Variants in RCAN3 observed in about 807,000 individuals in gnomAD.
The protein encoded by RCAN3 is calcipressin-3.
RCAN3 carries 19 observed loss-of-function variants against 21.9 expected under a neutral mutation model. The ratio of observed to expected loss-of-function variants is 0.87; its 90% CI spans 0.61 to 1.27. RCAN3 has a LOEUF of 1.27. Among genes scored for constraint, RCAN3 ranks in the 50% most tolerant of loss-of-function variants. RCAN3 has a pLI of 0.00. For missense variants in RCAN3, 240 were observed against 300.1 expected (o/e 0.80, Z 1.48); for synonymous variants, 114 against 112.3 (o/e 1.01, Z -0.09).
rs747351378 is a variant in RCAN3 at position 24,533,140 on chromosome 1, A to G, written c.427A>G (p.Lys143Glu). ...CTATCTCCTGCCGCCCCAGCCTGTCAAGCAGTTCCTCATCTCCCCTCCAGC... is the reference window on the plus strand; with the variant it reads ...CTATCTCCTGCCGCCCCAGCCTGTCGAGCAGTTCCTCATCTCCCCTCCAGC... ...KSYLLPPQPV[K>E]QFLISPPASP... The change falls in exon 4 of 5, where the codon AAG becomes GAG. Residue 143 changes from lysine to glutamate, a missense_variant. Physicochemically the swap from Lys to Glu is moderately conservative, Grantham distance 56. Transcript: ENST00000374395. 7 of 1,596,240 alleles carry G rather than the reference A, an allele frequency of 4.4e-6. No individual in the cohort carries two copies. Among genetic ancestry groups the G allele is most frequent in the African/African-American group, 1.4e-5 (1 of 73,868 alleles).
At chr1:24,533,337 G>A (rs1649954885) in intron 4 of RCAN3, 83 bp downstream of exon 4, 11 of 1,148,926 alleles carry the variant, frequency 9.6e-6, no homozygotes, top group Non-Finnish European at 1.3e-5. Context: ...CATTGTGGCA[G>A]TATGATTAGA....
chr1:24,519,289 C>T (rs780214897), intron 2 of RCAN3, among the ~76,000 whole-genome samples: 2 of 151,122 alleles, frequency 1.3e-5, no homozygotes, highest in Non-Finnish European at 2.9e-5. Context: ...TGGGCTCAAG[C>T]GATCCTCCTA....
chr1:24,514,250 T>G, intron 1 of RCAN3, 64 bp from the exon 2 acceptor site: 1 of 747,758 alleles, frequency 1.3e-6, no homozygotes, highest in Non-Finnish European at 2.0e-6. Context: ...CTGGAGACAT[T>G]GATTGATTGG....
intron 1 of RCAN3, among the ~76,000 whole-genome samples, chr1:24,503,415 T>C (rs936924613): frequency 4.6e-5 from 7 of 152,014 alleles, no homozygotes; most frequent in Admixed American, 4.6e-4. Context: ...TGTTTTGTCT[T>C]CTCCACCAAC....
At chr1:24,503,914 T>G (rs1006094389) in intron 1 of RCAN3, among the ~76,000 whole-genome samples, 6 of 152,280 alleles carry the variant, frequency 3.9e-5, no homozygotes, top group African/African-American at 1.2e-4. Context: ...TTGATTTATC[T>G]GTAGCTGTGA....
chr1:24,517,084 G>GTTTTTTTTTTTTTTTTTTTTTTTTTT (rs11372088), intron 2 of RCAN3, among the ~76,000 whole-genome samples: 1 of 146,864 alleles, frequency 6.8e-6, no homozygotes, highest in African/African-American at 2.5e-5. Flanking sequence ...CTATTTTTTT[G>GTTTTTTTTTTTTTTTTTTTTTTTTTT]TTTTTTTTTG....
chr1:24,526,159 G>GT (rs1372169048), intron 2 of RCAN3, among the ~76,000 whole-genome samples: 1 of 152,086 alleles, frequency 6.6e-6, no homozygotes, highest in Non-Finnish European at 1.5e-5. Flanking sequence ...TGGTGAGATT[G>GT]TGGCTCACTG....
At chr1:24,528,713 G>A (rs961865459) in intron 2 of RCAN3, among the ~76,000 whole-genome samples, 5 of 152,316 alleles carry the variant, frequency 3.3e-5, no homozygotes, top group Non-Finnish European at 5.9e-5. Flanking sequence ...GGTAGGAAGC[G>A]AAAGTGACCA....
chr1:24,517,406 C>T (rs1020001137), intron 2 of RCAN3, among the ~76,000 whole-genome samples: 2 of 152,116 alleles, frequency 1.3e-5, no homozygotes, highest in South Asian at 2.1e-4. Context: ...CGTGAGCCAC[C>T]GTATCCGGCC....
At position 24,514,552 on chromosome 1, in the gene RCAN3, G is replaced by A. The variant is rs1315909536; in HGVS notation, c.180G>A (p.Glu60=). Residue 60 remains glutamate, a synonymous_variant, in exon 2 of 5, where the codon GAG becomes GAA. Transcript: ENST00000374395. Reference sequence around the variant, plus strand: ...GCAGCGTCCATGAAGCAGTGTTTGAGGCACGAGAGCAGAAGGTAGGCATCT... The same window carrying A: ...GCAGCGTCCATGAAGCAGTGTTTGAAGCACGAGAGCAGAAGGTAGGCATCT... ...FACSVHEAVF[E]AREQKERFEA... 6.2e-7 allele frequency: 1 copy of A among 1,613,946 alleles called. No homozygotes were observed. Among genetic ancestry groups the A allele is most frequent in the South Asian group, 1.1e-5 (1 of 91,034 alleles).
chr1:24,529,799 C>T (rs1649600596), intron 2 of RCAN3, among the ~76,000 whole-genome samples: 1 of 151,296 alleles, frequency 6.6e-6, no homozygotes, highest in Non-Finnish European at 1.5e-5. Context: ...GATCCGCCTA[C>T]CTCAGCCTCC....
chr1:24,518,510 T>G (rs1231734329), intron 2 of RCAN3, among the ~76,000 whole-genome samples: 1 of 152,200 alleles, frequency 6.6e-6, no homozygotes, highest in African/African-American at 2.4e-5. Flanking sequence ...GGCTTAGTGC[T>G]TCATTTTTCT....
chr1:24,536,480 G>T lies in RCAN3; in HGVS notation c.*1203G>T, dbSNP rs1289743447. The T allele has an allele frequency of 6.6e-6, 1 of 152,164 alleles. No homozygotes were observed. The highest frequency in any genetic ancestry group is 2.4e-5 in the African/African-American group (1 of 41,422). 9.4% of individuals were successfully genotyped at this position (152,164 alleles called of 1,614,324 possible). On this transcript the variant is annotated 3_prime_UTR_variant, in exon 5 of 5. Transcript: ENST00000374395. ...TTTGAACTTCCCTAAGAAGCAGCAGGATCTTTTTAACTCTCTCTGGTCTGT... is the reference window on the plus strand; with the variant it reads ...TTTGAACTTCCCTAAGAAGCAGCAGTATCTTTTTAACTCTCTCTGGTCTGT...
Position 24,515,753 on chromosome 1 carries a change from T to C in RCAN3, c.195+1186T>C, listed in dbSNP as rs557764732. ...GGGGATAGAGTGTGAGTCATGCAGC[T>C]TCTGCCTCATGGTGTCCAGCCCTGC... On this transcript the variant is annotated intron_variant, in intron 2 of 4. Coordinates refer to ENST00000374395, the MANE Select transcript of RCAN3 (RefSeq NM_013441.4). 5.3e-5 allele frequency among the ~76,000 whole-genome samples: 8 copies of C among 152,258 alleles called. No homozygotes were observed. In the East Asian group the frequency reaches 1.5e-3, roughly 29 times the overall value.
rs1403836419 is a variant in RCAN3 at position 24,539,053 on chromosome 1, C to A, written c.*3776C>A. ...CAGAGGTGAAAGTGACCTTGGAAAT[C>A]ATATACTCTATCCCCATGTTACACA... On this transcript the variant is annotated 3_prime_UTR_variant, in exon 5 of 5. Transcript: ENST00000374395. The A allele has an allele frequency of 6.6e-6, 1 of 152,140 alleles. No individual in the cohort carries two copies. The highest frequency in any genetic ancestry group is 1.5e-5 in the Non-Finnish European group (1 of 68,028). The allele number at this position is 152,140 out of a possible 1,614,324, so 9.4% of individuals were successfully genotyped here.
rs941238993 is a variant in RCAN3, at chr1:24,539,252, G to C, written c.*3975G>C. The C allele has an allele frequency of 1.3e-5, 2 of 151,480 alleles. No homozygotes were observed. Among genetic ancestry groups the C allele is most frequent in the Non-Finnish European group, 2.9e-5 (2 of 67,924 alleles). The allele number at this position is 151,480 out of a possible 1,614,324, so 9.4% of individuals were successfully genotyped here. On this transcript the variant is annotated 3_prime_UTR_variant, in exon 5 of 5. Coordinates refer to ENST00000374395, the MANE Select transcript of RCAN3 (RefSeq NM_013441.4). Reference sequence around the variant, plus strand: ...TGGCATCAGAAAAAAAAAAAGGCATGAGGTGGGAGGATTCTTTTTTCCCTG... The same window carrying C: ...TGGCATCAGAAAAAAAAAAAGGCATCAGGTGGGAGGATTCTTTTTTCCCTG...
At chr1:24,530,692 T>C (rs1020337246) in intron 2 of RCAN3, among the ~76,000 whole-genome samples, 3 of 152,152 alleles carry the variant, frequency 2.0e-5, no homozygotes, top group Admixed American at 2.0e-4. Context: ...ATATGGACAA[T>C]ATTTAATAAA....
In RCAN3 at chr1:24,514,529, A is replaced by C; in HGVS notation, c.157A>C (p.Ser53Arg). ...TCTGCCTACCTCACTTTTTGCTTGC[A>C]GCGTCCATGAAGCAGTGTTTGAGGC... The part of the protein sequence containing the change: ...SDLPTSLFAC[S>R]VHEAVFEARE... The change falls in exon 2 of 5, where the codon AGC becomes CGC. Residue 53 changes from serine to arginine, a missense_variant. Transcript: ENST00000374395. The C allele has an allele frequency of 6.2e-7, 1 of 1,614,128 alleles. No individual in the cohort carries two copies. The highest frequency in any genetic ancestry group is 8.5e-7 in the Non-Finnish European group (1 of 1,180,012).
intron 1 of RCAN3, among the ~76,000 whole-genome samples, chr1:24,504,223 T>C (rs1239001494): frequency 6.6e-6 from 1 of 152,244 alleles, no homozygotes; most frequent in Admixed American, 6.5e-5. Context: ...GGCCTCGCTC[T>C]GTCATCCAGC....
Sources: allele counts gnomAD v4.1 joint callset (sites outside exome capture counted in the v4.1 genomes callset), GRCh38; gene constraint gnomAD v4.1.1; transcripts MANE v1.5; gene names NCBI Gene and HGNC (gene_info 2026-07-23, HGNC 2026-07-21).